Variants in TMEM117 observed in about 807,000 individuals in gnomAD.
TMEM117 encodes the protein transmembrane protein 117.
Under a neutral mutation model 52.4 loss-of-function variants are expected in TMEM117, and 27 were observed. That is an observed-to-expected ratio of 0.51 (90% confidence interval 0.38 to 0.71). The LOEUF is 0.71. Ranked by LOEUF, TMEM117 falls within the 30% of genes least tolerant of loss-of-function variation. TMEM117 has a pLI of 0.00. For missense variants in TMEM117, 556 were observed against 630.5 expected, an observed-to-expected ratio of 0.88 and a Z score of 1.26; for synonymous variants, 215 against 206.3, an observed-to-expected ratio of 1.04 and a Z score of -0.36.
intron 4 of TMEM117, among the ~76,000 whole-genome samples, chr12:44,189,813 G>A (rs1949327779): frequency 6.6e-6 from 1 of 152,106 alleles, no homozygotes. Context: ...GAAAAAAATA[G>A]TTTTATAAAT....
intron 3 of TMEM117, among the ~76,000 whole-genome samples, chr12:43,950,035 A>G (rs1164477070): frequency 6.6e-6 from 1 of 152,142 alleles, no homozygotes; most frequent in Non-Finnish European, 1.5e-5. Flanking sequence ...CTCAACTTCT[A>G]TCCACTTTGA....
intron 3 of TMEM117, among the ~76,000 whole-genome samples, chr12:44,004,012 A>G (rs533491398): frequency 1.3e-5 from 2 of 152,268 alleles, no homozygotes; most frequent in South Asian, 4.1e-4. Context: ...TTTTTTCTGG[A>G]GCCCTTGTAC....
At chr12:43,798,593 C>T in the TMEM117 span, 1 of 1,488,612 alleles carries the variant, frequency 6.7e-7, no homozygotes, top group Non-Finnish European at 8.9e-7. Flanking sequence ...GCTCTGATTG[C>T]AAGAAATAAA....
intron 5 of TMEM117, among the ~76,000 whole-genome samples, chr12:44,283,508 T>C (rs1950602592): frequency 6.6e-6 from 1 of 152,166 alleles, no homozygotes; most frequent in Non-Finnish European, 1.5e-5. Flanking sequence ...CCCACTGGAT[T>C]TCAGACTTAC....
chr12:44,054,921 A>G (rs1947030831), intron 3 of TMEM117, among the ~76,000 whole-genome samples: 2 of 151,986 alleles, frequency 1.3e-5, no homozygotes, highest in Non-Finnish European at 1.5e-5. Context: ...GCCCCGGTGT[A>G]TAGACTGGTC....
intron 5 of TMEM117, among the ~76,000 whole-genome samples, chr12:44,258,678 A>G (rs931559328): frequency 2.0e-5 from 3 of 152,166 alleles, no homozygotes; most frequent in African/African-American, 7.2e-5. Context: ...TCACAATTCA[A>G]TAGTCAGGGT....
intron 6 of TMEM117, among the ~76,000 whole-genome samples, chr12:44,341,538 A>G (rs1304789253): frequency 2.0e-5 from 3 of 152,164 alleles, no homozygotes; most frequent in South Asian, 4.1e-4. Context: ...TTGATTCTGT[A>G]TCTTTGTTAT....
chr12:43,867,011 A>G (rs1943612721), intron 2 of TMEM117, among the ~76,000 whole-genome samples: 1 of 151,738 alleles, frequency 6.6e-6, no homozygotes. Flanking sequence ...AATCGCTTGA[A>G]CCCAGGAGGC....
chr12:43,950,709 C>T (rs534914927), intron 3 of TMEM117, among the ~76,000 whole-genome samples: 1 of 152,288 alleles, frequency 6.6e-6, no homozygotes, highest in Admixed American at 6.5e-5. Flanking sequence ...CAAGCATGTG[C>T]ACTAACAGAC....
chr12:44,284,883 A>G (rs1950619789), intron 5 of TMEM117, among the ~76,000 whole-genome samples: 1 of 152,222 alleles, frequency 6.6e-6, no homozygotes, highest in South Asian at 2.1e-4. Flanking sequence ...CTTCCTAACC[A>G]AGATTAACTA....
At chr12:44,306,990 G>T (rs1478634656) in intron 6 of TMEM117, among the ~76,000 whole-genome samples, 4 of 152,170 alleles carry the variant, frequency 2.6e-5, no homozygotes, top group Admixed American at 2.0e-4. Context: ...CATGAAAATT[G>T]CATTCCACAA....
intron 5 of TMEM117, among the ~76,000 whole-genome samples, chr12:44,275,178 C>A (rs910258267): frequency 2.0e-5 from 3 of 152,044 alleles, no homozygotes; most frequent in African/African-American, 7.2e-5. Context: ...ATGCAAATGG[C>A]AAACAGGCAG....
At chr12:43,890,449 C>T (rs1431620991) in intron 2 of TMEM117, among the ~76,000 whole-genome samples, 2 of 152,000 alleles carry the variant, frequency 1.3e-5, no homozygotes, top group Non-Finnish European at 2.9e-5. Flanking sequence ...GTTTTGAAGA[C>T]AAAAGTAGCA....
intron 6 of TMEM117, among the ~76,000 whole-genome samples, chr12:44,341,486 T>A (rs1195490173): frequency 6.6e-6 from 1 of 152,186 alleles, no homozygotes; most frequent in African/African-American, 2.4e-5. Context: ...ACTGTGTATA[T>A]ATGCTGCATT....
At chr12:44,211,430 C>G (rs1949643907) in intron 5 of TMEM117, 43 bp downstream of exon 5, 1 of 1,361,530 alleles carries the variant, frequency 7.3e-7, no homozygotes, top group African/African-American at 1.5e-5. Context: ...TTGCCTCATT[C>G]ACTGAAGGAC....
Position 44,388,479 on chromosome 12 carries a change from A to G in TMEM117, c.1352A>G (p.Glu451Gly). The part of the protein sequence containing the change: ...EHSKDMGITR[E>G]NTQASVEDPL... Reference sequence around the variant, plus strand: ...AGCAAAGACATGGGAATCACTCGAGAAAACACCCAGGCTTCAGTAGAAGAC... The same window carrying G: ...AGCAAAGACATGGGAATCACTCGAGGAAACACCCAGGCTTCAGTAGAAGAC... The change falls in exon 8 of 8, where the codon GAA becomes GGA. Residue 451 changes from glutamate to glycine, a missense_variant. Transcript: ENST00000266534. 6.2e-7 allele frequency: 1 copy of G among 1,613,476 alleles called. No individual in the cohort carries two copies. Among genetic ancestry groups the G allele is most frequent in the Non-Finnish European group, 8.5e-7 (1 of 1,179,658 alleles).
chr12:44,202,936 G>C (rs1949515967), intron 4 of TMEM117, among the ~76,000 whole-genome samples: 1 of 151,904 alleles, frequency 6.6e-6, no homozygotes, highest in African/African-American at 2.4e-5. Flanking sequence ...TTGCAGGTGT[G>C]TACCACCACG....
intron 4 of TMEM117, among the ~76,000 whole-genome samples, chr12:44,167,485 G>A (rs957255287): frequency 7.2e-5 from 11 of 151,974 alleles, no homozygotes; most frequent in Admixed American, 3.9e-4. Flanking sequence ...TGGCTAACAC[G>A]GTGAAACCCC....
Position 43,963,934 on chromosome 12 carries a change from G to A in TMEM117, c.410+19592G>A, listed in dbSNP as rs115105505. The stretch of plus-strand genomic sequence containing the variant: ...CATTGAACTAAGTATCTCAGAATTA[G>A]GAGAGTAAACAGGAGACCTCAATGA... On this transcript the variant is annotated intron_variant, in intron 3 of 7. Coordinates refer to ENST00000266534, the MANE Select transcript of TMEM117 (RefSeq NM_032256.3). Among the ~76,000 whole-genome samples, 1,037 of 152,234 alleles carry A rather than the reference G, an allele frequency of 6.8e-3. 18 individuals carry two copies. The highest frequency in any genetic ancestry group is 0.023 in the African/African-American group (974 of 41,544).
Sources: allele counts gnomAD v4.1 joint callset (sites outside exome capture counted in the v4.1 genomes callset), GRCh38; gene constraint gnomAD v4.1.1; transcripts MANE v1.5; gene names NCBI Gene and HGNC (gene_info 2026-07-23, HGNC 2026-07-21).